Variants in STRN observed in about 807,000 individuals in gnomAD.
STRN encodes the protein protein phosphatase 2 regulatory subunit B'''alpha.
Under a neutral mutation model 96.3 loss-of-function variants are expected in STRN, and 53 were observed. The ratio of observed to expected loss-of-function variants is 0.55; its 90% CI spans 0.44 to 0.69. The LOEUF (loss-of-function observed/expected upper bound fraction) is 0.69, where lower values mean the gene tolerates loss of function less well. Among genes scored for constraint, STRN ranks in the 30% least tolerant of loss-of-function variants. The pLI is 0.00. For missense variants in STRN, 987 were observed against 963.9 expected, an observed-to-expected ratio of 1.02 and a Z score of -0.32; for synonymous variants, 428 against 355.9, an observed-to-expected ratio of 1.20 and a Z score of -2.28.
At chr2:36,857,794 CTTATT>C in intron 14 of STRN, 57 bp downstream of exon 14, 1 of 1,367,464 alleles carries the variant, frequency 7.3e-7, no homozygotes, top group South Asian at 1.6e-5. Context: ...TATCTGCTTG[CTTATT>C]TTCAGAATAA....
intron 1 of STRN, among the ~76,000 whole-genome samples, chr2:36,957,058 G>C (rs1487389729): frequency 2.0e-5 from 3 of 152,180 alleles, no homozygotes; most frequent in Admixed American, 2.0e-4. Context: ...TTTGCCCTTA[G>C]GATATTGACC....
Position 36,902,585 on chromosome 2 carries a change from C to T in STRN, c.658G>A (p.Ala220Thr). The T allele has an allele frequency of 6.3e-7, 1 of 1,591,478 alleles. No individual in the cohort carries two copies. The highest frequency in any genetic ancestry group is 8.6e-7 in the Non-Finnish European group (1 of 1,167,310). ...EAEVKETAMI[A>T]KSELTDSASV... is the part of the protein sequence containing the mutation. ...ACACTTTCCAGACAAAATACTTACG[C>T]AATCATTGCTGTCTCTTTAACTTCA... The change falls in exon 5 of 18, where the codon GCA (alanine) becomes ACA (threonine). Residue 220 changes from alanine to threonine, a missense_variant and splice_region_variant. By Grantham distance (58) the Ala-to-Thr change is moderately conservative. Coordinates refer to ENST00000263918, the MANE Select transcript of STRN (RefSeq NM_003162.4).
rs1476098578 is a variant in STRN, at chr2:36,924,465, A to T, written c.338+640T>A. Among the ~76,000 whole-genome samples, 5 of 152,222 alleles carry T rather than the reference A, an allele frequency of 3.3e-5. No individual in the cohort carries two copies. The East Asian group carries it at 9.6e-4, about 29-fold the overall frequency. On this transcript the variant is annotated intron_variant, in intron 2 of 17. Transcript: ENST00000263918. ...ATAATATTAAATGACAGGAAAAGGAAACACTATAGAAATTTCCTTTAAAAA... is the reference window on the plus strand; with the variant it reads ...ATAATATTAAATGACAGGAAAAGGATACACTATAGAAATTTCCTTTAAAAA...
intron 10 of STRN, among the ~76,000 whole-genome samples, chr2:36,877,186 A>T (rs185992867): frequency 3.2e-4 from 49 of 152,366 alleles, no homozygotes; most frequent in Middle Eastern, 3.4e-3. Context: ...ATCCATGCCT[A>T]CTACTAATTA....
intron 6 of STRN, 127 bp downstream of exon 6, chr2:36,899,395 AT>A: frequency 1.2e-6 from 1 of 858,130 alleles, no homozygotes. Context: ...ACTCTCATAA[AT>A]GTCTCCAAAT....
chr2:36,944,514 A>G (rs1489152497), intron 1 of STRN, among the ~76,000 whole-genome samples: 1 of 152,188 alleles, frequency 6.6e-6, no homozygotes, highest in Non-Finnish European at 1.5e-5. Context: ...TATTTTAAGT[A>G]ATGTTCCTAG....
rs1444755623 is a variant in STRN, at chr2:36,844,737, G to C, written c.*4719C>G. ...GATCTGTTAAATACTTTGTCAACCTGGCATCCCTGACACTGACATGAAGAT... is the reference window on the plus strand; with the variant it reads ...GATCTGTTAAATACTTTGTCAACCTCGCATCCCTGACACTGACATGAAGAT... On this transcript the variant is annotated 3_prime_UTR_variant, in exon 18 of 18. Coordinates refer to ENST00000263918, the MANE Select transcript of STRN (RefSeq NM_003162.4). 1 of 151,960 alleles carries C rather than the reference G, an allele frequency of 6.6e-6. No homozygotes were observed. Among genetic ancestry groups the C allele is most frequent in the Non-Finnish European group, 1.5e-5 (1 of 67,978 alleles). The allele number at this position is 151,960 out of a possible 1,614,324, so 9.4% of individuals were successfully genotyped here.
In STRN at chr2:36,843,799, T is replaced by C. The variant is rs185046161; in HGVS notation, c.*5657A>G. ...TTCATGAGACACCTATAGCATGTTA[T>C]CTATATTTGTACACTTTATTTAAAA... On this transcript the variant is annotated 3_prime_UTR_variant, in exon 18 of 18. Coordinates refer to ENST00000263918, the MANE Select transcript of STRN (RefSeq NM_003162.4). The C allele has an allele frequency of 2.0e-5, 3 of 152,330 alleles. No individual in the cohort carries two copies. Among genetic ancestry groups the C allele is most frequent in the Admixed American group, 6.5e-5 (1 of 15,286 alleles). 9.4% of individuals were successfully genotyped at this position (152,330 alleles called of 1,614,324 possible). A position where few individuals can be genotyped will look rare whatever the true frequency, so the allele number is the denominator to read the frequency against.
intron 9 of STRN, among the ~76,000 whole-genome samples, chr2:36,879,104 T>G (rs770344842): frequency 1.3e-5 from 2 of 151,634 alleles, no homozygotes; most frequent in Non-Finnish European, 2.9e-5. Context: ...GGAGTCATGC[T>G]CTATGGCCCA....
At chr2:36,871,309 G>C (rs182518197) in intron 10 of STRN, among the ~76,000 whole-genome samples, 3 of 152,166 alleles carry the variant, frequency 2.0e-5, no homozygotes, top group African/African-American at 7.2e-5. Context: ...AGCTCCATTC[G>C]TGATAAGTGT....
intron 1 of STRN, among the ~76,000 whole-genome samples, chr2:36,947,704 C>G (rs1558665355): frequency 6.6e-6 from 1 of 151,682 alleles, no homozygotes; most frequent in African/African-American, 2.4e-5. Context: ...TCCTGGTTCT[C>G]TCACAAATAT....
At chr2:36,900,414 T>C (rs73924927) in intron 5 of STRN, among the ~76,000 whole-genome samples, 1,830 of 152,228 alleles carry the variant, frequency 0.012, 41 homozygotes, top group African/African-American at 0.042. Flanking sequence ...TGATGCAATC[T>C]TGTATTTCTG....
At chr2:36,917,069 T>TA (rs989265988) in intron 2 of STRN, among the ~76,000 whole-genome samples, 3,120 of 132,478 alleles carry the variant, frequency 0.024, 46 homozygotes, top group African/African-American at 0.05. Flanking sequence ...TAAAAATAAA[T>TA]AAAAAAAAAA....
intron 2 of STRN, among the ~76,000 whole-genome samples, chr2:36,923,166 T>C (rs975233027): frequency 2.0e-5 from 3 of 146,588 alleles, no homozygotes; most frequent in Non-Finnish European, 4.5e-5. Flanking sequence ...TCTCAAATAC[T>C]CGGCCAGGTA....
intron 11 of STRN, 127 bp from the exon 12 acceptor site, chr2:36,867,988 G>GT: frequency 3.6e-6 from 2 of 555,158 alleles, no homozygotes; most frequent in Non-Finnish European, 5.9e-6. Flanking sequence ...TACACGATAC[G>GT]TAAGAAAGCT....
intron 2 of STRN, among the ~76,000 whole-genome samples, chr2:36,919,241 A>T: frequency 6.6e-6 from 1 of 152,234 alleles, no homozygotes; most frequent in Non-Finnish European, 1.5e-5. Context: ...CGTAAGAGAC[A>T]GGAATGTAAA....
chr2:36,878,143 G>C (rs546826814), intron 9 of STRN, 116 bp from the exon 10 acceptor site: 5 of 1,124,032 alleles, frequency 4.4e-6, no homozygotes, highest in South Asian at 3.3e-5. Context: ...GTTTTTAAAT[G>C]CTTTTAAACA....
At chr2:36,852,452 A>G (rs1024754644) in intron 15 of STRN, among the ~76,000 whole-genome samples, 3 of 152,206 alleles carry the variant, frequency 2.0e-5, no homozygotes, top group Non-Finnish European at 2.9e-5. Flanking sequence ...GTAATACACT[A>G]CATCAGAGAA....
Position 36,966,246 on chromosome 2 carries a change from T to C in STRN, c.218A>G (p.Glu73Gly). 1.3e-6 allele frequency: 2 copies of C among 1,576,920 alleles called. No homozygotes were observed. The highest frequency in any genetic ancestry group is 1.8e-5 in the Admixed American group (1 of 56,526). Residue 73 changes from glutamate (E) to glycine (G), a missense_variant, in exon 1 of 18, where the codon GAG (glutamate) becomes GGG (glycine). By Grantham distance (98) the Glu-to-Gly change is moderately conservative. Transcript: ENST00000263918. The stretch of plus-strand genomic sequence containing the variant: ...GGTCTTTACCTGCAGCTCCGCCCGC[T>C]CCACCTCCCACTGGGCTCTCTCCAC... ...FEVERAQWEV[E>G]RAELQAQIAF...
Sources: gnomAD v4.1 joint callset for allele counts (sites outside exome capture counted in the v4.1 genomes callset) on GRCh38, gnomAD v4.1.1 for gene constraint, MANE v1.5 for transcripts, NCBI Gene and HGNC (gene_info 2026-07-23, HGNC 2026-07-21) for gene names.